Variants in DLG2 observed in about 807,000 individuals in gnomAD.
DLG2 encodes the protein disks large homolog 2.
In DLG2, 45 loss-of-function variants were observed where a neutral mutation model predicts 132.5. The ratio of observed to expected loss-of-function variants is 0.34; its 90% CI spans 0.27 to 0.44. The LOEUF (loss-of-function observed/expected upper bound fraction) is 0.44. Ranked by LOEUF, DLG2 falls within the 20% of genes least tolerant of loss-of-function variation. DLG2 has a pLI of 1.00. For synonymous variants in DLG2, 424 were observed against 419.6 expected (o/e 1.01, Z -0.13); for missense variants, 1,045 against 1,196.9 (o/e 0.87, Z 1.87).
At chr11:84,824,932 T>A (rs1265324405) in intron 6 of DLG2, among the ~76,000 whole-genome samples, 1 of 151,884 alleles carries the variant, frequency 6.6e-6, no homozygotes, top group Non-Finnish European at 1.5e-5. Flanking sequence ...ACGAGACACA[T>A]TGCTCCTATC....
chr11:83,815,534 C>A (rs1303413231), intron 17 of DLG2, among the ~76,000 whole-genome samples: 1 of 152,002 alleles, frequency 6.6e-6, no homozygotes, highest in African/African-American at 2.4e-5. Context: ...ATCCTGGGGC[C>A]AAGAAAATTT....
At chr11:85,073,164 T>C (rs2066100556) in intron 6 of DLG2, among the ~76,000 whole-genome samples, 1 of 151,858 alleles carries the variant, frequency 6.6e-6, no homozygotes, top group South Asian at 2.1e-4. Flanking sequence ...GATTAAAAAC[T>C]GATATATTCA....
intron 5 of DLG2, among the ~76,000 whole-genome samples, chr11:85,145,420 A>T (rs1351967096): frequency 6.6e-6 from 1 of 151,914 alleles, no homozygotes; most frequent in African/African-American, 2.4e-5. Flanking sequence ...TTCTTACCTG[A>T]TCTCTTTCTT....
chr11:84,772,960 T>C (rs767116507), intron 6 of DLG2, among the ~76,000 whole-genome samples: 2 of 151,682 alleles, frequency 1.3e-5, no homozygotes, highest in Non-Finnish European at 2.9e-5. Flanking sequence ...GTGAATGACA[T>C]TGATAACCCA....
intron 3 of DLG2, among the ~76,000 whole-genome samples, chr11:85,417,061 A>G (rs2089926731): frequency 6.6e-6 from 1 of 152,144 alleles, no homozygotes; most frequent in Admixed American, 6.6e-5. Flanking sequence ...GCCATTCAGT[A>G]TGATATTGAC....
chr11:85,053,889 T>C (rs1177930237), intron 6 of DLG2, among the ~76,000 whole-genome samples: 1 of 150,094 alleles, frequency 6.7e-6, no homozygotes, highest in Non-Finnish European at 1.5e-5. Context: ...AAAATATGGG[T>C]CAATTAACTA....
At chr11:83,975,898 T>A (rs1233272778) in intron 12 of DLG2, among the ~76,000 whole-genome samples, 1 of 151,958 alleles carries the variant, frequency 6.6e-6, no homozygotes, top group African/African-American at 2.4e-5. Context: ...ATGATACTTA[T>A]TACCTAATAA....
chr11:84,183,103 C>T (rs35710671), intron 8 of DLG2, among the ~76,000 whole-genome samples: 9,852 of 152,104 alleles, frequency 0.065, 391 homozygotes, highest in African/African-American at 0.1. Context: ...AATTAATAAC[C>T]TTCCCAAACA....
chr11:83,544,750 T>C (rs1212927187), intron 19 of DLG2, among the ~76,000 whole-genome samples: 1 of 152,116 alleles, frequency 6.6e-6, no homozygotes, highest in Non-Finnish European at 1.5e-5. Context: ...ACTTTATAGA[T>C]GAGGGAAGGA....
At chr11:84,625,156 G>T (rs941394999) in intron 6 of DLG2, among the ~76,000 whole-genome samples, 14 of 151,928 alleles carry the variant, frequency 9.2e-5, no homozygotes, top group Non-Finnish European at 1.8e-4. Flanking sequence ...CACCGCGCCC[G>T]GCCCGAGAGT....
chr11:85,472,761 C>G (rs536510975), intron 3 of DLG2, among the ~76,000 whole-genome samples: 26 of 152,216 alleles, frequency 1.7e-4, no homozygotes, highest in Non-Finnish European at 3.4e-4. Flanking sequence ...CCACCAGCAC[C>G]AGACAGCCAC....
chr11:85,013,574 G>T (rs1037523942), intron 6 of DLG2, among the ~76,000 whole-genome samples: 11 of 152,138 alleles, frequency 7.2e-5, no homozygotes, highest in African/African-American at 2.2e-4. Flanking sequence ...GTTCTCTGAT[G>T]ATTTGAAAAG....
intron 6 of DLG2, among the ~76,000 whole-genome samples, chr11:85,071,363 C>A (rs2065838506): frequency 6.6e-6 from 1 of 151,740 alleles, no homozygotes; most frequent in South Asian, 2.1e-4. Flanking sequence ...GACAAAATGA[C>A]CTAAAAGTAA....
At chr11:84,514,624 G>C (rs914487628) in intron 7 of DLG2, among the ~76,000 whole-genome samples, 1 of 151,914 alleles carries the variant, frequency 6.6e-6, no homozygotes, top group Admixed American at 6.6e-5. Flanking sequence ...TGGATTTAGG[G>C]AGTAGGAGAA....
chr11:83,854,191 T>A (rs1453976499), intron 16 of DLG2, among the ~76,000 whole-genome samples: 1 of 152,020 alleles, frequency 6.6e-6, no homozygotes, highest in South Asian at 2.1e-4. Flanking sequence ...AAGACCTATA[T>A]GAAAAAAACT....
chr11:84,730,824 G>T, intron 6 of DLG2, among the ~76,000 whole-genome samples: 1 of 152,056 alleles, frequency 6.6e-6, no homozygotes, highest in African/African-American at 2.4e-5. Flanking sequence ...TAATCATACA[G>T]CAAGTTGAAT....
At chr11:84,989,270 G>T (rs1376444827) in intron 6 of DLG2, among the ~76,000 whole-genome samples, 1 of 152,124 alleles carries the variant, frequency 6.6e-6, no homozygotes, top group Non-Finnish European at 1.5e-5. Context: ...CTGACCCCCA[G>T]GTTCAAGCAA....
chr11:84,424,834 T>A (rs2098961372), intron 7 of DLG2, among the ~76,000 whole-genome samples: 1 of 152,022 alleles, frequency 6.6e-6, no homozygotes, highest in African/African-American at 2.4e-5. Context: ...AGTGAATGAA[T>A]GATATACCAG....
At chr11:83,909,799 G>A (rs1596298861) in intron 15 of DLG2, among the ~76,000 whole-genome samples, 1 of 152,082 alleles carries the variant, frequency 6.6e-6, no homozygotes, top group Non-Finnish European at 1.5e-5. Flanking sequence ...ATTGCTCAAG[G>A]GTTTGAATAT....
Sources: allele counts gnomAD v4.1 joint callset (sites outside exome capture counted in the v4.1 genomes callset), GRCh38; gene constraint gnomAD v4.1.1; transcripts MANE v1.5; gene names NCBI Gene and HGNC (gene_info 2026-07-23, HGNC 2026-07-21).